Variants in LRRCC1 observed in about 807,000 individuals in gnomAD.
LRRCC1 encodes leucine-rich repeat and coiled-coil domain-containing protein 1.
A neutral mutation model predicts 126.0 loss-of-function variants in LRRCC1; 115 were observed. The ratio of observed to expected loss-of-function variants is 0.91; its 90% CI spans 0.78 to 1.07. The LOEUF is 1.07. LRRCC1 is among the 50% of genes least tolerant of loss of function. The pLI is 0.00. For synonymous variants in LRRCC1, 400 were observed against 393.4 expected, an observed-to-expected ratio of 1.02 and a Z score of -0.20; for missense variants, 1,172 against 1,175.7, an observed-to-expected ratio of 1.00 and a Z score of 0.05.
chr8:85,135,145 T>C, intron 13 of LRRCC1, 113 bp downstream of exon 13: 1 of 645,574 alleles, frequency 1.5e-6, no homozygotes, highest in Non-Finnish European at 2.4e-6. Context: ...ACTAATTATA[T>C]ATTGCATATA....
intron 17 of LRRCC1, among the ~76,000 whole-genome samples, chr8:85,138,783 G>T (rs1197636685): frequency 1.3e-5 from 2 of 152,112 alleles, no homozygotes; most frequent in Non-Finnish European, 2.9e-5. Flanking sequence ...GGTGGCTCAC[G>T]CCTGCAATCC....
At chr8:85,137,090 G>T (rs1167380116) in intron 14 of LRRCC1, among the ~76,000 whole-genome samples, 2 of 152,210 alleles carry the variant, frequency 1.3e-5, no homozygotes, top group Admixed American at 6.5e-5. Flanking sequence ...GCTTCCTAAA[G>T]TGCTAGGATT....
rs1206798954 is a variant in LRRCC1 at position 85,109,768 on chromosome 8, A to G, written c.278A>G (p.Asn93Ser). The change falls in exon 2 of 19, where the codon AAT (asparagine) becomes AGT (serine). Residue 93 changes from asparagine (N) to serine (S), a missense_variant. By Grantham distance (46) the Asn-to-Ser change is conservative. Transcript: ENST00000360375. ...LNTLTKLCTLNLSCNLITKVE... is the reference protein window; with the variant it reads ...LNTLTKLCTLSLSCNLITKVE... ...ACACTGACAAAACTGTGCACATTAAATTTGTCCTGCAATTTGATTACAAAA... is the reference window on the plus strand; with the variant it reads ...ACACTGACAAAACTGTGCACATTAAGTTTGTCCTGCAATTTGATTACAAAA... 1.3e-6 allele frequency: 2 copies of G among 1,582,576 alleles called. No homozygotes were observed. Among genetic ancestry groups the G allele is most frequent in the East Asian group, 2.3e-5 (1 of 44,326 alleles).
At chr8:85,134,611 C>T (rs145143765) in intron 12 of LRRCC1, among the ~76,000 whole-genome samples, 356 of 152,266 alleles carry the variant, frequency 2.3e-3, no homozygotes, top group African/African-American at 8.1e-3. Context: ...TCAGCCACCG[C>T]GCCCAGCCCA....
rs567577279 is a variant in LRRCC1, at chr8:85,131,689, C to T, written c.1767-71C>T. ...ACTGAATATAGAATATTAAGAACTA[C>T]GTAAAGACCTTTAAAATGTTTCTTT... On this transcript the variant is annotated intron_variant, in intron 11 of 18. Transcript: ENST00000360375. The T allele has an allele frequency of 1.9e-4, 223 of 1,178,404 alleles. No individual in the cohort carries two copies. In the African/African-American group the frequency reaches 2.7e-3, roughly 14 times the overall value. The allele number at this position is 1,178,404 out of a possible 1,614,324, so 73.0% of individuals were successfully genotyped here.
chr8:85,115,668 G>C, intron 6 of LRRCC1, 84 bp downstream of exon 6: 1 of 964,174 alleles, frequency 1.0e-6, no homozygotes, highest in South Asian at 1.6e-5. Flanking sequence ...TTATGTACTA[G>C]CTGACCAACC....
intron 18 of LRRCC1, among the ~76,000 whole-genome samples, chr8:85,142,297 A>G (rs1301293786): frequency 6.6e-6 from 1 of 152,156 alleles, no homozygotes. Flanking sequence ...GTCTCAAAGA[A>G]AAAAAACACC....
chr8:85,110,021 AG>A, intron 2 of LRRCC1, 93 bp from the exon 3 acceptor site: 1 of 654,952 alleles, frequency 1.5e-6, no homozygotes. Context: ...GATTTACTTC[AG>A]AACAGTCTGA....
chr8:85,139,490 T>C (rs1279332553), intron 17 of LRRCC1, among the ~76,000 whole-genome samples: 1 of 152,116 alleles, frequency 6.6e-6, no homozygotes, highest in East Asian at 1.9e-4. Context: ...GGTCTCGAAC[T>C]CCTGACCTCA....
chr8:85,133,050 TC>T (rs1167878897), intron 12 of LRRCC1, among the ~76,000 whole-genome samples: 1 of 152,212 alleles, frequency 6.6e-6, no homozygotes, highest in African/African-American at 2.4e-5. Context: ...ACAGAACATA[TC>T]AAAATTGTGC....
chr8:85,123,145 G>C (rs1351125973), intron 6 of LRRCC1, among the ~76,000 whole-genome samples: 1 of 152,064 alleles, frequency 6.6e-6, no homozygotes, highest in Non-Finnish European at 1.5e-5. Flanking sequence ...GATAATCCTA[G>C]TTTTGTTCAC....
At chr8:85,109,388 C>G (rs1306741027) in intron 1 of LRRCC1, 1 of 539,932 alleles carries the variant, frequency 1.9e-6, no homozygotes, top group African/African-American at 1.9e-5. Context: ...TGAGCGGTTT[C>G]TTGTTTGTAT....
chr8:85,123,968 C>T (rs984177441), intron 7 of LRRCC1, among the ~76,000 whole-genome samples: 1 of 152,092 alleles, frequency 6.6e-6, no homozygotes, highest in Admixed American at 6.5e-5. Context: ...CCACTGCATT[C>T]ATTTACAGTG....
Position 85,145,579 on chromosome 8 carries a change from ATAGT to A in LRRCC1, c.*69_*72del, listed in dbSNP as rs2136019922. On this transcript the variant is annotated 3_prime_UTR_variant, in exon 19 of 19. Coordinates refer to ENST00000360375, the MANE Select transcript of LRRCC1 (RefSeq NM_033402.5). ...ATTGTAAAAATGATTAAATATTGTAATAGTAGTAACTGCTATGACTTTGAAATGT... is the reference window on the plus strand; with the variant it reads ...ATTGTAAAAATGATTAAATATTGTAAAGTAACTGCTATGACTTTGAAATGT... 2 of 1,333,562 alleles carry A rather than the reference ATAGT, an allele frequency of 1.5e-6. No individual in the cohort carries two copies. Among genetic ancestry groups the A allele is most frequent in the South Asian group, 3.0e-5 (2 of 65,898 alleles). The allele number at this position is 1,333,562 out of a possible 1,614,324, so 82.6% of individuals were successfully genotyped here.
chr8:85,126,800 G>T lies in LRRCC1; in HGVS notation c.1384G>T (p.Glu462Ter), dbSNP rs1227893635. Residue 462 changes from glutamate (E) to a stop codon, truncating the protein, a stop_gained, in exon 9 of 19, where the codon GAG becomes TAG. Coordinates refer to ENST00000360375, the MANE Select transcript of LRRCC1 (RefSeq NM_033402.5). LOFTEE classifies it high-confidence loss of function. ...DELHKHANEK[E>*]DIHSLALLTT... Reference sequence around the variant, plus strand: ...GCTGCATAAACATGCAAATGAAAAAGAGGATATTCATAGTCTGGCTCTACT... The same window carrying T: ...GCTGCATAAACATGCAAATGAAAAATAGGATATTCATAGTCTGGCTCTACT... 1 of 1,612,512 alleles carries T rather than the reference G, an allele frequency of 6.2e-7. No homozygotes were observed. Among genetic ancestry groups the T allele is most frequent in the South Asian group, 1.1e-5 (1 of 91,044 alleles).
At chr8:85,107,482 G>A in intron 1 of LRRCC1, 83 bp downstream of exon 1, 1 of 1,204,166 alleles carries the variant, frequency 8.3e-7, no homozygotes, top group Non-Finnish European at 1.2e-6. Context: ...CACCAGAGTG[G>A]AGGCGCGGCA....
chr8:85,134,935 C>A lies in LRRCC1; in HGVS notation c.2057C>A (p.Ser686Tyr). 1 of 1,595,732 alleles carries A rather than the reference C, an allele frequency of 6.3e-7. No homozygotes were observed. Among genetic ancestry groups the A allele is most frequent in the Non-Finnish European group, 8.5e-7 (1 of 1,176,054 alleles). Residue 686 changes from serine (S) to tyrosine (Y), a missense_variant, in exon 13 of 19, where the codon TCC (serine) becomes TAC (tyrosine). Physicochemically the swap from Ser to Tyr is moderately radical, Grantham distance 144. Coordinates refer to ENST00000360375, the MANE Select transcript of LRRCC1 (RefSeq NM_033402.5). ...IWAQRKENES[S>Y]SLIKDLTCMV... The stretch of plus-strand genomic sequence containing the variant: ...GCTCAACGAAAAGAAAATGAGTCTT[C>A]CTCTTTAATTAAAGATCTGACCTGT...
chr8:85,142,578 G>A (rs1007524596), intron 18 of LRRCC1, among the ~76,000 whole-genome samples: 1 of 152,160 alleles, frequency 6.6e-6, no homozygotes, highest in African/African-American at 2.4e-5. Flanking sequence ...GCTCAAGCCT[G>A]TAATCCCAGC....
intron 11 of LRRCC1, among the ~76,000 whole-genome samples, chr8:85,130,674 G>C (rs1326596541): frequency 1.3e-5 from 2 of 152,128 alleles, no homozygotes; most frequent in Non-Finnish European, 2.9e-5. Context: ...TTTATATAGA[G>C]AGAAAATTTT....
Sources: gnomAD v4.1 joint callset for allele counts (sites outside exome capture counted in the v4.1 genomes callset) on GRCh38, gnomAD v4.1.1 for gene constraint, MANE v1.5 for transcripts, NCBI Gene and HGNC (gene_info 2026-07-23, HGNC 2026-07-21) for gene names.